Variants in NCAM1 observed in about 807,000 individuals in gnomAD.
The protein encoded by NCAM1 is neural cell adhesion molecule 1.
NCAM1 carries 14 observed loss-of-function variants against 109.8 expected under a neutral mutation model. That is an observed-to-expected ratio of 0.13 (90% CI 0.08 to 0.20). The LOEUF (loss-of-function observed/expected upper bound fraction) is 0.20. Ranked by LOEUF, NCAM1 falls within the 10% of genes least tolerant of loss-of-function variation. The pLI, the probability that NCAM1 is intolerant of heterozygous loss-of-function variation, is 1.00. For missense variants in NCAM1, 774 were observed against 1,109.9 expected (o/e 0.70, Z 4.30); for synonymous variants, 418 against 442.9 (o/e 0.94, Z 0.70).
chr11:113,077,922 G>T (rs1938603747), intron 1 of NCAM1, among the ~76,000 whole-genome samples: 1 of 151,978 alleles, frequency 6.6e-6, no homozygotes, highest in African/African-American at 2.4e-5. Context: ...CCTGACCTCA[G>T]GTGATTCACC....
rs189886559 is a variant in NCAM1, at chr11:113,122,067, T to C, written c.53-80312T>C. On this transcript the variant is annotated intron_variant, in intron 1 of 19. Transcript: ENST00000316851. ...AAGGGGGTAATCTAGTCTATTTCAG[T>C]CTATTCCAAGTGCCCTTACACATCT... 1.4e-4 allele frequency among the ~76,000 whole-genome samples: 21 copies of C among 152,266 alleles called. 1 individual carries two copies. The highest frequency in any genetic ancestry group is 1.2e-3 in the Admixed American group (19 of 15,310).
intron 1 of NCAM1, among the ~76,000 whole-genome samples, chr11:113,166,770 AC>A (rs148868414): frequency 9.3e-5 from 14 of 150,194 alleles, no homozygotes; most frequent in East Asian, 3.9e-4. Flanking sequence ...ACACACACAC[AC>A]AAAAAAAAAC....
rs184766341 is a variant in NCAM1 at position 113,071,464 on chromosome 11, C to T, written c.52+109800C>T. Reference sequence around the variant, plus strand: ...TTTTTGATACGGAGTCTCGCTTTATCGCCCAGGCTGGAGTGCAGTGGCTCT... The same window carrying T: ...TTTTTGATACGGAGTCTCGCTTTATTGCCCAGGCTGGAGTGCAGTGGCTCT... On this transcript the variant is annotated intron_variant, in intron 1 of 19. Transcript: ENST00000316851. Among the ~76,000 whole-genome samples, 24 of 133,700 alleles carry T rather than the reference C, an allele frequency of 1.8e-4. 1 individual carries two copies. The highest frequency in any genetic ancestry group is 1.7e-3 in the East Asian group (8 of 4,706). 87.7% of individuals were successfully genotyped at this position (133,700 alleles called of 152,430 possible). A position where few individuals can be genotyped will look rare whatever the true frequency, so the allele number is the denominator to read the frequency against.
At chr11:113,041,503 A>C (rs1360905146) in intron 1 of NCAM1, among the ~76,000 whole-genome samples, 1 of 152,150 alleles carries the variant, frequency 6.6e-6, no homozygotes. Flanking sequence ...GAGAGTAACT[A>C]TATAATGAAT....
At chr11:113,269,367 C>G (rs207472344) in intron 17 of NCAM1, among the ~76,000 whole-genome samples, 1 of 152,174 alleles carries the variant, frequency 6.6e-6, no homozygotes, top group African/African-American at 2.4e-5. Context: ...TGTGAGAGTG[C>G]ATGCCTGTCT....
rs1946371287 is a variant in NCAM1 at position 113,274,935 on chromosome 11, TA to T, written c.2457-327del. Among the ~76,000 whole-genome samples, 1 of 152,088 alleles carries T rather than the reference TA, an allele frequency of 6.6e-6. No homozygotes were observed. The highest frequency in any genetic ancestry group is 2.1e-4 in the South Asian group (1 of 4,824). ...TGCTGCCCCCTTCCACCACCCCAGG[TA>T]AAAACACAGCCTCTGGCATCAACTT... On this transcript the variant is annotated intron_variant, in intron 19 of 19. Transcript: ENST00000316851. This position sits in a 1 kb window ranked among gnomAD's most constrained non-coding sequence, Gnocchi z 4.1.
rs1591328079 is a variant in NCAM1, at chr11:113,104,209, G to GC, written c.53-98170_53-98169insC. ...GAACAGGTGAAGAGGAGGTGGGGTG[G>GC]GGGGGGGGGCGGGGTGGTGGTGGCG... On this transcript the variant is annotated intron_variant, in intron 1 of 19. Transcript: ENST00000316851. 2.4e-4 allele frequency among the ~76,000 whole-genome samples: 29 copies of GC among 118,398 alleles called. No homozygotes were observed. The South Asian group carries it at 6.6e-3, about 27-fold the overall frequency. 77.7% of individuals were successfully genotyped at this position (118,398 alleles called of 152,430 possible). A position where few individuals can be genotyped will look rare whatever the true frequency, so the allele number is the denominator to read the frequency against.
chr11:113,247,864 G>A (rs1347100727), intron 15 of NCAM1, among the ~76,000 whole-genome samples: 1 of 152,144 alleles, frequency 6.6e-6, no homozygotes, highest in Non-Finnish European at 1.5e-5. Context: ...ATTTCCCAAA[G>A]GTTGACCATC....
intron 1 of NCAM1, among the ~76,000 whole-genome samples, chr11:113,080,085 T>C (rs1460797052): frequency 6.6e-6 from 1 of 152,220 alleles, no homozygotes; most frequent in East Asian, 1.9e-4. Flanking sequence ...ATTGTGTTTC[T>C]GGAAAAGGGA....
At chr11:113,133,261 T>A in intron 1 of NCAM1, 1 of 152,212 alleles carries the variant, frequency 6.6e-6, no homozygotes. Flanking sequence ...AAAATATCTC[T>A]ATGTTTTGTT....
chr11:113,105,775 G>A (rs1940127835), intron 1 of NCAM1, among the ~76,000 whole-genome samples: 1 of 152,144 alleles, frequency 6.6e-6, no homozygotes, highest in Admixed American at 6.5e-5. Flanking sequence ...GGAGAATAGG[G>A]AGTGGCTGCT....
chr11:113,278,030 G>A lies in NCAM1; in HGVS notation c.*2643G>A, dbSNP rs1427687898. ...TGTCTATGTGTCTATGTGTGTATGTGCCATACATATGTATTCACATGAAGA... is the reference window on the plus strand; with the variant it reads ...TGTCTATGTGTCTATGTGTGTATGTACCATACATATGTATTCACATGAAGA... On this transcript the variant is annotated 3_prime_UTR_variant, in exon 20 of 20. Coordinates refer to ENST00000316851, the MANE Select transcript of NCAM1 (RefSeq NM_181351.5). 6.6e-6 allele frequency: 1 copy of A among 152,126 alleles called. No homozygotes were observed. Among genetic ancestry groups the A allele is most frequent in the African/African-American group, 2.4e-5 (1 of 41,396 alleles). The allele number at this position is 152,126 out of a possible 1,614,324, so 9.4% of individuals were successfully genotyped here. A position where few individuals can be genotyped will look rare whatever the true frequency, so the allele number is the denominator to read the frequency against.
intron 1 of NCAM1, among the ~76,000 whole-genome samples, chr11:113,007,319 C>G (rs1447680668): frequency 6.6e-6 from 1 of 152,116 alleles, no homozygotes; most frequent in African/African-American, 2.4e-5. Flanking sequence ...CTCAGCCTCC[C>G]AAAGTGCTGG....
chr11:112,969,501 G>A (rs1950819986), intron 1 of NCAM1, among the ~76,000 whole-genome samples: 2 of 152,050 alleles, frequency 1.3e-5, no homozygotes, highest in Non-Finnish European at 2.9e-5. Context: ...GGGGAGGAAG[G>A]GCACTATTCA....
intron 1 of NCAM1, among the ~76,000 whole-genome samples, chr11:113,150,396 C>A (rs550775012): frequency 6.6e-6 from 1 of 152,170 alleles, no homozygotes; most frequent in Admixed American, 6.5e-5. Flanking sequence ...ATGAGTCCCT[C>A]GGGTTCGTAT....
chr11:113,085,153 G>C (rs1939021265), intron 1 of NCAM1, among the ~76,000 whole-genome samples: 1 of 152,112 alleles, frequency 6.6e-6, no homozygotes, highest in Non-Finnish European at 1.5e-5. Context: ...ACCCATAAAG[G>C]GTGTTAAAAG....
chr11:113,033,922 A>G (rs782371180), intron 1 of NCAM1, among the ~76,000 whole-genome samples: 4 of 152,148 alleles, frequency 2.6e-5, no homozygotes, highest in African/African-American at 4.8e-5. Flanking sequence ...ACTGTGTTTG[A>G]TATCCGTAAG....
chr11:113,179,172 C>A (rs1334171027), intron 1 of NCAM1, among the ~76,000 whole-genome samples: 1 of 152,164 alleles, frequency 6.6e-6, no homozygotes, highest in African/African-American at 2.4e-5. Context: ...CACCAGCATG[C>A]CACTGGGCAG....
chr11:113,270,315 G>A lies in NCAM1; in HGVS notation c.2259G>A (p.Met753Ile), dbSNP rs1446524481. ...TCCTGAACAAGTGTGGCCTGTTCAT[G>A]TGCATTGCGGTCAACCTGTGTGGAA... ...CYFLNKCGLF[M>I]CIAVNLCGKA... Residue 753 changes from methionine (M) to isoleucine (I), a missense_variant, in exon 18 of 20, where the codon ATG becomes ATA. Coordinates refer to ENST00000316851, the MANE Select transcript of NCAM1 (RefSeq NM_181351.5). 3.1e-6 allele frequency: 5 copies of A among 1,614,024 alleles called. No homozygotes were observed. Among genetic ancestry groups the A allele is most frequent in the Non-Finnish European group, 4.2e-6 (5 of 1,179,902 alleles).
Sources: allele counts gnomAD v4.1 joint callset (sites outside exome capture counted in the v4.1 genomes callset), GRCh38; gene constraint gnomAD v4.1.1; non-coding constraint Gnocchi (gnomAD v3.1); transcripts MANE v1.5; gene names NCBI Gene and HGNC (gene_info 2026-07-23, HGNC 2026-07-21).